The following SDR42E2 variants were observed in gnomAD, a reference collection of about 807,000 sequenced individuals.
SDR42E2 encodes the protein short chain dehydrogenase/reductase family 42E, member 2.
A neutral mutation model predicts 10.5 loss-of-function variants in SDR42E2; 20 were observed. The ratio of observed to expected loss-of-function variants is 1.90; its 90% CI spans 1.34 to 2.77. The LOEUF (loss-of-function observed/expected upper bound fraction) is 2.77, where lower values mean the gene tolerates loss of function less well. Ranked by LOEUF, SDR42E2 falls within the 30% of genes most tolerant of loss-of-function variation. SDR42E2 has a pLI of 0.00. For missense variants in SDR42E2, 162 were observed against 104.2 expected (o/e 1.55, Z -2.42); for synonymous variants, 72 against 39.2 (o/e 1.84, Z -3.12).
intron 3 of SDR42E2, 49 bp from the exon 4 acceptor site, chr16:22,166,855 T>A: frequency 3.5e-6 from 2 of 568,140 alleles, no homozygotes; most frequent in Non-Finnish European, 6.6e-6. Context: ...TGTTATCTCT[T>A]GCCTTGGACT....
chr16:22,174,511 T>A (rs2046628010), intron 7 of SDR42E2, among the ~76,000 whole-genome samples: 1 of 152,060 alleles, frequency 6.6e-6, no homozygotes, highest in Non-Finnish European at 1.5e-5. Flanking sequence ...AGCAGGTCCC[T>A]GAGCATCAAC....
chr16:22,163,735 C>T (rs1015653806), intron 1 of SDR42E2, among the ~76,000 whole-genome samples: 1 of 151,822 alleles, frequency 6.6e-6, no homozygotes, highest in Non-Finnish European at 1.5e-5. Flanking sequence ...CATGAGTGTT[C>T]GTGCTTATAC....
At chr16:22,174,796 C>T (rs1029824126) in intron 7 of SDR42E2, among the ~76,000 whole-genome samples, 6 of 152,118 alleles carry the variant, frequency 3.9e-5, no homozygotes, top group African/African-American at 1.2e-4. Context: ...CCTGGCCCTC[C>T]GTGAAGTAGC....
At chr16:22,163,735 C>A (rs1015653806) in intron 1 of SDR42E2, among the ~76,000 whole-genome samples, 1 of 151,822 alleles carries the variant, frequency 6.6e-6, no homozygotes, top group Admixed American at 6.6e-5. Context: ...CATGAGTGTT[C>A]GTGCTTATAC....
chr16:22,190,243 C>T lies in SDR42E2; in HGVS notation c.1119C>T (p.Tyr373=), dbSNP rs949110519. ...KFRFADAVEL[Y]VQSTTRRPRG... ...GGTTCGCCGACGCCGTGGAGCTATA[C>T]GTGCAGTCCACGACCCGGCGGCCCC... The change falls in exon 13 of 13, where the codon TAC becomes TAT. Residue 373 remains tyrosine, a synonymous_variant. Coordinates refer to ENST00000602312, the MANE Select transcript of SDR42E2 (RefSeq NM_001394319.2). The T allele has an allele frequency of 1.7e-5, 7 of 401,072 alleles. No homozygotes were observed. The highest frequency in any genetic ancestry group is 1.2e-4 in the African/African-American group (6 of 48,698). 24.8% of individuals were successfully genotyped at this position (401,072 alleles called of 1,614,324 possible).
intron 10 of SDR42E2, among the ~76,000 whole-genome samples, chr16:22,182,691 A>G: frequency 6.6e-6 from 1 of 152,182 alleles, no homozygotes; most frequent in African/African-American, 2.4e-5. Context: ...AAAAAGCCAG[A>G]AGATTTCACG....
At chr16:22,186,564 A>T (rs1222418736) in intron 11 of SDR42E2, among the ~76,000 whole-genome samples, 157 bp from the exon 12 acceptor site, 1 of 152,202 alleles carries the variant, frequency 6.6e-6, no homozygotes, top group Non-Finnish European at 1.5e-5. Context: ...TAAACAAGGC[A>T]CCCCAGCAAG....
At chr16:22,175,594 A>G (rs1263189254) in intron 7 of SDR42E2, among the ~76,000 whole-genome samples, 1 of 144,396 alleles carries the variant, frequency 6.9e-6, no homozygotes, top group East Asian at 2.0e-4. Context: ...AGGTAGGATG[A>G]TTGCTTGAGC....
chr16:22,168,008 G>A (rs1598129602), intron 4 of SDR42E2, among the ~76,000 whole-genome samples: 1 of 152,124 alleles, frequency 6.6e-6, no homozygotes, highest in African/African-American at 2.4e-5. Context: ...AGGAGTAGGA[G>A]GGAACCTTCT....
At chr16:22,170,759 T>G in intron 5 of SDR42E2, 74 bp from the exon 6 acceptor site, 1 of 699,918 alleles carries the variant, frequency 1.4e-6, no homozygotes, top group Non-Finnish European at 2.6e-6. Flanking sequence ...TATGCTCACT[T>G]GTGTCCCGTG....
chr16:22,166,967 G>A lies in SDR42E2; in HGVS notation c.304G>A (p.Val102Met), dbSNP rs1036112908. 1.7e-5 allele frequency: 12 copies of A among 702,142 alleles called. No homozygotes were observed. The highest frequency in any genetic ancestry group is 7.0e-5 in the African/African-American group (4 of 57,186). 43.5% of individuals were successfully genotyped at this position (702,142 alleles called of 1,614,324 possible). ...CGAAGGGGTGGACTGTGTCTTCCAC[G>A]TGGCTTCCTATGGAATGTCCGGGGC... ...AFEGVDCVFHVASYGMSGAEK... is the reference protein window; with the variant it reads ...AFEGVDCVFHMASYGMSGAEK... Residue 102 changes from valine to methionine, a missense_variant, in exon 4 of 13, where the codon GTG becomes ATG. Transcript: ENST00000602312.
chr16:22,176,173 T>C (rs1178571407), intron 7 of SDR42E2, among the ~76,000 whole-genome samples: 2 of 152,126 alleles, frequency 1.3e-5, no homozygotes, highest in African/African-American at 4.8e-5. Context: ...GGCTGAAGTG[T>C]AGTGGCGCTA....
intron 10 of SDR42E2, among the ~76,000 whole-genome samples, 176 bp from the exon 11 acceptor site, chr16:22,184,005 C>T (rs577459705): frequency 1.1e-4 from 17 of 151,990 alleles, no homozygotes; most frequent in South Asian, 8.3e-4. Flanking sequence ...GGTCAAGGTG[C>T]GGATTTCATT....
chr16:22,174,072 C>T (rs889141732), intron 7 of SDR42E2, among the ~76,000 whole-genome samples: 1 of 151,742 alleles, frequency 6.6e-6, no homozygotes, highest in Admixed American at 6.6e-5. Context: ...GTGGCTCACA[C>T]TTGTAATCCC....
rs1238686849 is a variant in SDR42E2 at position 22,191,470 on chromosome 16, G to GGCT, written c.*1084_*1086dup. 6.6e-6 allele frequency: 1 copy of GGCT among 152,190 alleles called. No individual in the cohort carries two copies. Among genetic ancestry groups the GGCT allele is most frequent in the Non-Finnish European group, 1.5e-5 (1 of 68,044 alleles). The allele number at this position is 152,190 out of a possible 1,614,324, so 9.4% of individuals were successfully genotyped here. Reference sequence around the variant, plus strand: ...GACGTTGGTATGAGTTTGCGCCGTCGGCTGCTGCTCTGTCTGGTAACATTG... The same window carrying GGCT: ...GACGTTGGTATGAGTTTGCGCCGTCGGCTGCTGCTGCTCTGTCTGGTAACATTG... On this transcript the variant is annotated 3_prime_UTR_variant, in exon 13 of 13. Transcript: ENST00000602312.
chr16:22,173,777 T>C (rs915666918), intron 7 of SDR42E2, among the ~76,000 whole-genome samples: 3 of 151,656 alleles, frequency 2.0e-5, no homozygotes, highest in African/African-American at 7.3e-5. Context: ...ATCTCAGCAC[T>C]TTGGGAGGCG....
chr16:22,184,933 G>A (rs979152650), intron 11 of SDR42E2, among the ~76,000 whole-genome samples: 8 of 152,156 alleles, frequency 5.3e-5, no homozygotes, highest in African/African-American at 1.2e-4. Context: ...GGGCTTGGTG[G>A]GCTCTTTGTG....
chr16:22,174,990 T>C (rs1444269862), intron 7 of SDR42E2, among the ~76,000 whole-genome samples: 1 of 152,160 alleles, frequency 6.6e-6, no homozygotes, highest in Non-Finnish European at 1.5e-5. Flanking sequence ...AGCGGGTTCC[T>C]GAAACTGTTC....
intron 9 of SDR42E2, among the ~76,000 whole-genome samples, chr16:22,181,926 G>T (rs990006246): frequency 3.3e-5 from 5 of 152,162 alleles, no homozygotes; most frequent in African/African-American, 1.2e-4. Context: ...CACACATATT[G>T]TCGCATTTAA....
Sources: allele counts gnomAD v4.1 joint callset (sites outside exome capture counted in the v4.1 genomes callset), GRCh38; gene constraint gnomAD v4.1.1; transcripts MANE v1.5; gene names NCBI Gene and HGNC (gene_info 2026-07-23, HGNC 2026-07-21).